The following CNTNAP5 variants were observed in gnomAD, a reference collection of about 807,000 sequenced individuals.
CNTNAP5 encodes contactin-associated protein-like 5.
In CNTNAP5, 72 loss-of-function variants were observed where a neutral mutation model predicts 150.2. The ratio of observed to expected loss-of-function variants is 0.48; its 90% CI spans 0.40 to 0.58. CNTNAP5 has a LOEUF of 0.58. Ranked by LOEUF, CNTNAP5 falls within the 20% of genes least tolerant of loss-of-function variation. CNTNAP5 has a pLI of 0.00. For missense variants in CNTNAP5, 1,636 were observed against 1,626.2 expected, an observed-to-expected ratio of 1.01 and a Z score of -0.10; for synonymous variants, 672 against 619.8, an observed-to-expected ratio of 1.08 and a Z score of -1.25.
chr2:124,433,419 A>G (rs1183683358), intron 4 of CNTNAP5, among the ~76,000 whole-genome samples: 1 of 152,254 alleles, frequency 6.6e-6, no homozygotes, highest in African/African-American at 2.4e-5. Flanking sequence ...TTTTCATTTC[A>G]GATCCTCAGA....
intron 1 of CNTNAP5, among the ~76,000 whole-genome samples, chr2:124,094,658 A>C (rs1264155550): frequency 6.6e-6 from 1 of 152,214 alleles, no homozygotes; most frequent in Non-Finnish European, 1.5e-5. Context: ...GTATAGAGGC[A>C]AAATATGTTG....
At chr2:124,684,546 T>C (rs1679149359) in intron 13 of CNTNAP5, among the ~76,000 whole-genome samples, 1 of 152,198 alleles carries the variant, frequency 6.6e-6, no homozygotes, top group Non-Finnish European at 1.5e-5. Context: ...GCCAAAAGGT[T>C]ATTGACTATT....
intron 5 of CNTNAP5, among the ~76,000 whole-genome samples, chr2:124,440,365 A>G (rs544516970): frequency 3.3e-4 from 51 of 152,242 alleles, no homozygotes; most frequent in African/African-American, 9.6e-4. Flanking sequence ...GTCAAATACA[A>G]TCTTAAACAT....
At chr2:124,328,976 C>T (rs1337465309) in intron 3 of CNTNAP5, among the ~76,000 whole-genome samples, 1 of 152,012 alleles carries the variant, frequency 6.6e-6, no homozygotes, top group East Asian at 1.9e-4. Context: ...GAAAGAAGGG[C>T]CAGATGGCTG....
chr2:124,079,279 G>T (rs535080756), intron 1 of CNTNAP5, among the ~76,000 whole-genome samples: 1 of 152,150 alleles, frequency 6.6e-6, no homozygotes, highest in Non-Finnish European at 1.5e-5. Flanking sequence ...TCAAACTCTG[G>T]TTTTCTGGCT....
chr2:124,355,926 G>A (rs958577524), intron 3 of CNTNAP5, among the ~76,000 whole-genome samples: 1 of 152,148 alleles, frequency 6.6e-6, no homozygotes, highest in East Asian at 1.9e-4. Flanking sequence ...TAGAGGCAAT[G>A]CTAAGATGTT....
intron 5 of CNTNAP5, among the ~76,000 whole-genome samples, chr2:124,445,969 C>A (rs951425138): frequency 6.6e-6 from 1 of 152,156 alleles, no homozygotes; most frequent in Middle Eastern, 3.4e-3. Context: ...GGAGGGGGAA[C>A]CAGGCAGGTT....
chr2:124,389,978 A>G lies in CNTNAP5; in HGVS notation c.382-27465A>G, dbSNP rs144932523. Among the ~76,000 whole-genome samples, 306 of 110,418 alleles carry G rather than the reference A, an allele frequency of 2.8e-3. 1 individual carries two copies. Among genetic ancestry groups the G allele is most frequent in the Non-Finnish European group, 5.8e-3 (270 of 46,394 alleles). 72.4% of individuals were successfully genotyped at this position (110,418 alleles called of 152,430 possible). A position where few individuals can be genotyped will look rare whatever the true frequency, so the allele number is the denominator to read the frequency against. ...ACCACATCTCCAAAATAATAATAGTAATAATAGTAATAACAATAATAATAA... is the reference window on the plus strand; with the variant it reads ...ACCACATCTCCAAAATAATAATAGTGATAATAGTAATAACAATAATAATAA... On this transcript the variant is annotated intron_variant, in intron 3 of 23. Coordinates refer to ENST00000682447, the MANE Select transcript of CNTNAP5 (RefSeq NM_001367498.1).
At chr2:124,536,603 C>T (rs1695236658) in intron 10 of CNTNAP5, among the ~76,000 whole-genome samples, 1 of 152,086 alleles carries the variant, frequency 6.6e-6, no homozygotes. Context: ...AGCCGGGATT[C>T]GAATTCAGGT....
chr2:124,753,199 AAAG>A (rs1192272736), intron 14 of CNTNAP5, among the ~76,000 whole-genome samples: 6 of 152,188 alleles, frequency 3.9e-5, no homozygotes, highest in African/African-American at 1.4e-4. Context: ...ATAATCCAAA[AAAG>A]AAAATATTTT....
chr2:124,729,006 T>C (rs989900244), intron 13 of CNTNAP5, among the ~76,000 whole-genome samples: 1 of 152,114 alleles, frequency 6.6e-6, no homozygotes, highest in Non-Finnish European at 1.5e-5. Context: ...GACAGTATTT[T>C]AGGCTCTCAG....
chr2:124,578,742 C>T (rs1269687879), intron 11 of CNTNAP5, among the ~76,000 whole-genome samples: 1 of 152,018 alleles, frequency 6.6e-6, no homozygotes, highest in African/African-American at 2.4e-5. Flanking sequence ...CACTGCATTC[C>T]AGCCTGTGTA....
chr2:124,849,657 A>C (rs913656472), intron 19 of CNTNAP5, among the ~76,000 whole-genome samples: 2 of 152,200 alleles, frequency 1.3e-5, no homozygotes, highest in African/African-American at 4.8e-5. Context: ...TGATTCTTCT[A>C]ATCTATGAAT....
intron 11 of CNTNAP5, among the ~76,000 whole-genome samples, chr2:124,588,180 CTTTCTTTCTTT>C (rs1558966043): frequency 9.3e-6 from 1 of 107,266 alleles, no homozygotes; most frequent in Non-Finnish European, 1.9e-5. Flanking sequence ...TTCCTTCCTT[CTTTCTTTCTTT>C]CTTTCTTTCT....
At chr2:124,217,711 A>G (rs951602926) in intron 1 of CNTNAP5, among the ~76,000 whole-genome samples, 58 of 152,298 alleles carry the variant, frequency 3.8e-4, no homozygotes, top group Admixed American at 1.5e-3. Flanking sequence ...AGATCCCAGA[A>G]ATAAAATCAT....
chr2:124,789,608 A>C (rs1681673281), intron 17 of CNTNAP5, among the ~76,000 whole-genome samples: 1 of 152,000 alleles, frequency 6.6e-6, no homozygotes, highest in African/African-American at 2.4e-5. Context: ...CTTTGCGTCC[A>C]AGTGTTCTCA....
At chr2:124,456,815 A>T (rs542845186) in intron 6 of CNTNAP5, among the ~76,000 whole-genome samples, 1 of 152,300 alleles carries the variant, frequency 6.6e-6, no homozygotes, top group Non-Finnish European at 1.5e-5. Context: ...AAAAGTGGAG[A>T]AAGGTCACCC....
chr2:124,180,975 G>A (rs1685193610), intron 1 of CNTNAP5, among the ~76,000 whole-genome samples: 1 of 151,778 alleles, frequency 6.6e-6, no homozygotes, highest in African/African-American at 2.4e-5. Context: ...AGATACCCAA[G>A]GCCACCATGA....
At chr2:124,335,092 G>A (rs1463068800) in intron 3 of CNTNAP5, among the ~76,000 whole-genome samples, 1 of 152,070 alleles carries the variant, frequency 6.6e-6, no homozygotes, top group Non-Finnish European at 1.5e-5. Context: ...TGCTACCACA[G>A]GTGGTTAAAG....
Sources: gnomAD v4.1 joint callset for allele counts (sites outside exome capture counted in the v4.1 genomes callset) on GRCh38, gnomAD v4.1.1 for gene constraint, MANE v1.5 for transcripts, NCBI Gene and HGNC (gene_info 2026-07-23, HGNC 2026-07-21) for gene names.